Variants in CHD9 observed in about 807,000 individuals in gnomAD.
CHD9 encodes the protein ATP-dependent chromatin remodeler CHD9.
In CHD9, 77 loss-of-function variants were observed where a neutral mutation model predicts 316.1. The observed-to-expected ratio is 0.24, with a 90% CI of 0.20 to 0.29. The LOEUF (loss-of-function observed/expected upper bound fraction) is 0.29. Ranked by LOEUF, CHD9 falls within the 10% of genes least tolerant of loss-of-function variation. CHD9 has a pLI of 1.00. For synonymous variants in CHD9, 1,129 were observed against 1,158.3 expected (o/e 0.97, Z 0.51); for missense variants, 2,763 against 3,438.1 (o/e 0.80, Z 4.91).
intron 1 of CHD9, among the ~76,000 whole-genome samples, chr16:53,103,170 A>G (rs1185084270): frequency 4.1e-5 from 6 of 147,472 alleles, no homozygotes; most frequent in African/African-American, 1.5e-4. Context: ...TAAAAAAAAA[A>G]AAAAAGGTAG....
chr16:53,055,488 A>ACCCC (rs2031958493), intron 1 of CHD9, among the ~76,000 whole-genome samples: 2 of 115,822 alleles, frequency 1.7e-5, no homozygotes, highest in Admixed American at 8.6e-5. Context: ...CCCTAGTTCC[A>ACCCC]CCCCCGCCCC....
intron 1 of CHD9, among the ~76,000 whole-genome samples, chr16:53,082,433 G>T (rs2035109411): frequency 6.6e-6 from 1 of 152,012 alleles, no homozygotes; most frequent in Non-Finnish European, 1.5e-5. Context: ...TAAAGACAGG[G>T]TTTCATCATG....
intron 1 of CHD9, among the ~76,000 whole-genome samples, chr16:53,074,959 G>A (rs1249963309): frequency 6.6e-6 from 1 of 152,178 alleles, no homozygotes; most frequent in Non-Finnish European, 1.5e-5. Flanking sequence ...TGCATCGTGT[G>A]CCTGGAAAAG....
chr16:53,172,692 A>G (rs1427632820), intron 2 of CHD9, among the ~76,000 whole-genome samples: 3 of 152,160 alleles, frequency 2.0e-5, no homozygotes, highest in Non-Finnish European at 2.9e-5. Flanking sequence ...TGATATGGTC[A>G]CTGTTTTTAA....
intron 11 of CHD9, 38 bp from the exon 12 acceptor site, chr16:53,238,304 AC>A (rs746322200): frequency 1.3e-6 from 2 of 1,495,098 alleles, no homozygotes; most frequent in Non-Finnish European, 1.8e-6. Context: ...TAGAAAAAAA[AC>A]CCAATGTATG....
At chr16:53,254,755 A>G in intron 18 of CHD9, 150 bp downstream of exon 18, 3 of 533,600 alleles carry the variant, frequency 5.6e-6, no homozygotes, top group Non-Finnish European at 6.3e-6. Context: ...AGCTATGTTT[A>G]GTTAATACTT....
chr16:53,219,005 A>G (rs2075538261), intron 3 of CHD9, among the ~76,000 whole-genome samples: 1 of 152,136 alleles, frequency 6.6e-6, no homozygotes, highest in Admixed American at 6.6e-5. Flanking sequence ...AAGCAAAGTA[A>G]CGGATACCCT....
intron 1 of CHD9, among the ~76,000 whole-genome samples, chr16:53,144,884 C>G (rs766988890): frequency 3.3e-5 from 5 of 151,282 alleles, no homozygotes; most frequent in African/African-American, 9.7e-5. Context: ...CTCAGCTACT[C>G]AGGAGGCAGA....
intron 3 of CHD9, among the ~76,000 whole-genome samples, chr16:53,212,685 A>G (rs1255957508): frequency 6.6e-6 from 1 of 152,272 alleles, no homozygotes. Flanking sequence ...TCTGTGAGTT[A>G]GAGTGGGCAT....
intron 21 of CHD9, 43 bp downstream of exon 21, chr16:53,267,533 G>A (rs2051815000): frequency 3.0e-6 from 4 of 1,350,390 alleles, no homozygotes; most frequent in Non-Finnish European, 4.0e-6. Context: ...AGTCTGGTAT[G>A]TAATGTTACA....
At chr16:53,274,377 C>A in intron 24 of CHD9, 75 bp downstream of exon 24, 2 of 803,178 alleles carry the variant, frequency 2.5e-6, no homozygotes, top group South Asian at 1.9e-5. Flanking sequence ...TGGGTTCAAG[C>A]GATCCTCCCA....
intron 9 of CHD9, 30 bp from the exon 10 acceptor site, chr16:53,231,617 A>C (rs1278063578): frequency 2.0e-6 from 3 of 1,507,018 alleles, no homozygotes; most frequent in Non-Finnish European, 1.8e-6. Flanking sequence ...TGTCTTTTTC[A>C]AAATGGTAAA....
intron 1 of CHD9, among the ~76,000 whole-genome samples, chr16:53,104,520 G>A (rs559504599): frequency 6.6e-6 from 1 of 152,072 alleles, no homozygotes; most frequent in Non-Finnish European, 1.5e-5. Flanking sequence ...GTATAAGAAA[G>A]TTACAATGGG....
In CHD9 at chr16:53,208,585, A is replaced by G. The variant is rs538803377; in HGVS notation, c.1453-897A>G. 44 of 1,007,696 alleles carry G rather than the reference A, an allele frequency of 4.4e-5. No individual in the cohort carries two copies. The African/African-American group carries it at 6.9e-4, about 16-fold the overall frequency. The allele number at this position is 1,007,696 out of a possible 1,614,324, so 62.4% of individuals were successfully genotyped here. On this transcript the variant is annotated intron_variant, in intron 2 of 38. Transcript: ENST00000447540. ...CCTTTCCCAGTGCTGCAGTGCTGCT[A>G]TGAAACCTTTGATGAGGCAGGTATA...
Position 53,156,761 on chromosome 16 carries a change from G to A in CHD9, c.672G>A (p.Gln224=), listed in dbSNP as rs778877345. The A allele has an allele frequency of 1.1e-5, 17 of 1,613,632 alleles. No individual in the cohort carries two copies. In the African/African-American group the frequency reaches 2.1e-4, roughly 20 times the overall value. The part of the protein sequence containing the change: ...PQMTNASNSQ[Q]SISMQQFSQT... Reference sequence around the variant, plus strand: ...TGACTAATGCATCTAATTCACAACAGTCTATTTCAATGCAGCAATTTTCTC... The same window carrying A: ...TGACTAATGCATCTAATTCACAACAATCTATTTCAATGCAGCAATTTTCTC... The change falls in exon 2 of 39, where the codon CAG becomes CAA. Residue 224 remains glutamine (Q), a synonymous_variant. Coordinates refer to ENST00000447540, the MANE Select transcript of CHD9 (RefSeq NM_001308319.2).
rs1236028798 is a variant in CHD9 at position 53,325,560 on chromosome 16, A to G, written c.*665A>G. 9.8e-5 allele frequency: 15 copies of G among 152,604 alleles called. No individual in the cohort carries two copies. Among genetic ancestry groups the G allele is most frequent in the Admixed American group, 7.2e-4 (11 of 15,268 alleles). The allele number at this position is 152,604 out of a possible 1,614,324, so 9.5% of individuals were successfully genotyped here. A position where few individuals can be genotyped will look rare whatever the true frequency, so the allele number is the denominator to read the frequency against. ...TTCAGGGGTTTTTTAAACACATCCT[A>G]TATATCATGTCAATCTGGCAAGAAA... On this transcript the variant is annotated 3_prime_UTR_variant, in exon 39 of 39. Coordinates refer to ENST00000447540, the MANE Select transcript of CHD9 (RefSeq NM_001308319.2).
At chr16:53,202,988 GTTT>G (rs548600225) in intron 2 of CHD9, among the ~76,000 whole-genome samples, 1 of 151,998 alleles carries the variant, frequency 6.6e-6, no homozygotes, top group South Asian at 2.1e-4. Flanking sequence ...TCTTGGATCA[GTTT>G]TTTTCTCTTT....
chr16:53,070,479 T>TC, intron 1 of CHD9, among the ~76,000 whole-genome samples: 1 of 149,250 alleles, frequency 6.7e-6, no homozygotes, highest in African/African-American at 2.5e-5. Context: ...TGTCTTTCTT[T>TC]CTTTCTTTCT....
intron 1 of CHD9, among the ~76,000 whole-genome samples, chr16:53,102,264 G>A (rs970054193): frequency 3.3e-5 from 5 of 152,126 alleles, no homozygotes; most frequent in Non-Finnish European, 7.3e-5. Flanking sequence ...ATGTTTGATA[G>A]GTGATTTCAG....
Sources: allele counts gnomAD v4.1 joint callset (sites outside exome capture counted in the v4.1 genomes callset), GRCh38; gene constraint gnomAD v4.1.1; transcripts MANE v1.5; gene names NCBI Gene and HGNC (gene_info 2026-07-23, HGNC 2026-07-21).